Variants in PDIA2 observed in about 807,000 individuals in gnomAD.
PDIA2 encodes the protein protein disulfide isomerase family A member 2, also known as protein disulfide-isomerase A2.
PDIA2 carries 76 observed loss-of-function variants against 51.1 expected under a neutral mutation model. The ratio of observed to expected loss-of-function variants is 1.49; its 90% CI spans 1.24 to 1.80. The LOEUF (loss-of-function observed/expected upper bound fraction) is 1.80. PDIA2 is among the 40% of genes most tolerant of loss of function. PDIA2 has a pLI of 0.00. For synonymous variants in PDIA2, 429 were observed against 309.9 expected, an observed-to-expected ratio of 1.38 and a Z score of -4.04; for missense variants, 946 against 706.5, an observed-to-expected ratio of 1.34 and a Z score of -3.84.
At chr16:285,831 G>C (rs1354407322) in intron 7 of PDIA2, 128 bp downstream of exon 7, 1 of 1,049,236 alleles carries the variant, frequency 9.5e-7, no homozygotes, top group East Asian at 2.8e-5. Flanking sequence ...CCCTCAACCC[G>C]GCAATTCTCC....
rs545873647 is a variant in PDIA2 at position 285,460 on chromosome 16, G to A, written c.921+23G>A. ...CAGGTACTGGGGGGCTGGGGGAAAG[G>A]GGCAGCGGGAGAGTGGCCGGTGCCA... On this transcript the variant is annotated intron_variant, in intron 6 of 10. Transcript: ENST00000219406. 1.7e-5 allele frequency: 28 copies of A among 1,611,618 alleles called. No individual in the cohort carries two copies. The East Asian group carries it at 2.0e-4, about 12-fold the overall frequency.
Position 286,152 on chromosome 16 carries a change from C to T in PDIA2, c.1120-201C>T, listed in dbSNP as rs1046644534. Among the ~76,000 whole-genome samples the T allele has an allele frequency of 2.2e-3, 216 of 98,922 alleles. 1 individual carries two copies. The highest frequency in any genetic ancestry group is 3.6e-3 in the Non-Finnish European group (170 of 46,690). 64.9% of individuals were successfully genotyped at this position (98,922 alleles called of 152,430 possible). A position where few individuals can be genotyped will look rare whatever the true frequency, so the allele number is the denominator to read the frequency against. On this transcript the variant is annotated intron_variant, in intron 7 of 10. Coordinates refer to ENST00000219406, the MANE Select transcript of PDIA2 (RefSeq NM_006849.4). Reference sequence around the variant, plus strand: ...TTCTCCCAAACTTGAAGAGGACCTCCCTGTCAGGCCCTGCAGAGGATCTCC... The same window carrying T: ...TTCTCCCAAACTTGAAGAGGACCTCTCTGTCAGGCCCTGCAGAGGATCTCC...
At chr16:285,264 G>A in intron 5 of PDIA2, 48 bp from the exon 6 acceptor site, 1 of 1,611,992 alleles carries the variant, frequency 6.2e-7, no homozygotes, top group East Asian at 2.2e-5. Context: ...GGATGGGGGT[G>A]CCTAGGCTGG....
Position 286,858 on chromosome 16 carries a change from G to A in PDIA2, c.1446G>A (p.Arg482=). 2.5e-6 allele frequency: 4 copies of A among 1,609,092 alleles called. No homozygotes were observed. Among genetic ancestry groups the A allele is most frequent in the East Asian group, 2.2e-5 (1 of 44,796 alleles). ...GRKVIEYKST[R]DLETFSKFLD... is the part of the protein sequence containing the mutation. ...AGGTGATTGAATACAAAAGCACCAG[G>A]GACCTGGAGACTTTCTCCAAGTTCC... Residue 482 remains arginine (R), a synonymous_variant, in exon 10 of 11, where the codon AGG becomes AGA. Transcript: ENST00000219406.
chr16:283,508 G>T lies in PDIA2; in HGVS notation c.199+140G>T, dbSNP rs180719693. 989 of 926,752 alleles carry T rather than the reference G, an allele frequency of 1.1e-3. 10 individuals carry two copies. In the African/African-American group the frequency reaches 0.015, roughly 14 times the overall value. 57.4% of individuals were successfully genotyped at this position (926,752 alleles called of 1,614,324 possible). A position where few individuals can be genotyped will look rare whatever the true frequency, so the allele number is the denominator to read the frequency against. On this transcript the variant is annotated intron_variant, in intron 1 of 10. Coordinates refer to ENST00000219406, the MANE Select transcript of PDIA2 (RefSeq NM_006849.4). ...AGGCACTTGCCCCCACTGTGCCCAG[G>T]AGCTCTCTAGGAGGGGCCTGGGGGT...
Position 286,367 on chromosome 16 carries a change from C to G in PDIA2, c.1134C>G (p.Ser378Arg). Reference sequence around the variant, plus strand: ...GTTTCCCCCAGCCCTATCTCCTGAGCCAGGAGATACCCCCTGATTGGGATC... The same window carrying G: ...GTTTCCCCCAGCCCTATCTCCTGAGGCAGGAGATACCCCCTGATTGGGATC... ...LNGQVKPYLL[S>R]QEIPPDWDQR... The change falls in exon 8 of 11, where the codon AGC becomes AGG. Residue 378 changes from serine to arginine, a missense_variant. Coordinates refer to ENST00000219406, the MANE Select transcript of PDIA2 (RefSeq NM_006849.4). 6.2e-7 allele frequency: 1 copy of G among 1,608,336 alleles called. No homozygotes were observed. Among genetic ancestry groups the G allele is most frequent in the African/African-American group, 1.4e-5 (1 of 73,160 alleles).
chr16:284,144 T>A (rs962471798), intron 1 of PDIA2: 18 of 575,178 alleles, frequency 3.1e-5, no homozygotes, highest in African/African-American at 1.7e-4. Context: ...CTGGGATTAC[T>A]GGCGTGAGCC....
At position 284,990 on chromosome 16, in the gene PDIA2, A is replaced by G. The variant is rs372943195; in HGVS notation, c.653A>G (p.Lys218Arg). Residue 218 changes from lysine to arginine, a missense_variant, in exon 4 of 11, where the codon AAG (lysine) becomes AGG (arginine). Coordinates refer to ENST00000219406, the MANE Select transcript of PDIA2 (RefSeq NM_006849.4). ...PRLFQQFGLT[K>R]DTVVLFKKFD... ...CTCTTTCAGCAGTTTGGCCTCACCA[A>G]GGACACTGTGGTTCTCTTCAAGAAG... The G allele has an allele frequency of 6.2e-7, 1 of 1,613,430 alleles. No individual in the cohort carries two copies. The highest frequency in any genetic ancestry group is 8.5e-7 in the Non-Finnish European group (1 of 1,180,018).
rs1388549007 is a variant in PDIA2 at position 286,458 on chromosome 16, GTGTT to G, written c.1229_1232del (p.Phe410SerfsTer65). On this transcript the variant is annotated frameshift_variant, in exon 8 of 11. Transcript: ENST00000219406. LOFTEE classifies it high-confidence loss of function. ...GGTGGCTTTTGACGAAACCAAGAAT[GTGTT>G]TGTCAAGTTCTGTGAGTGTTGAGGG... 4 of 1,613,146 alleles carry G rather than the reference GTGTT, an allele frequency of 2.5e-6. No homozygotes were observed. The highest frequency in any genetic ancestry group is 1.3e-5 in the African/African-American group (1 of 74,854).
intron 1 of PDIA2, chr16:284,165 G>C: frequency 1.7e-6 from 1 of 600,508 alleles, no homozygotes; most frequent in South Asian, 1.9e-5. Flanking sequence ...ACTGAGCCTG[G>C]CTGTGGGGGG....
chr16:286,827 C>G lies in PDIA2; in HGVS notation c.1423-8C>G, dbSNP rs763144651. The G allele has an allele frequency of 2.5e-6, 4 of 1,611,196 alleles. No individual in the cohort carries two copies. The South Asian group carries it at 4.4e-5, about 18-fold the overall frequency. On this transcript the variant is annotated splice_region_variant and splice_polypyrimidine_tract_variant and intron_variant, in intron 9 of 10. Coordinates refer to ENST00000219406, the MANE Select transcript of PDIA2 (RefSeq NM_006849.4). ...ACGTGTCCTCCAGATCCCCCTGCCTCTTCTCAGGTGATTGAATACAAAAGC... is the reference window on the plus strand; with the variant it reads ...ACGTGTCCTCCAGATCCCCCTGCCTGTTCTCAGGTGATTGAATACAAAAGC...
chr16:283,785 G>C (rs1158744761), intron 1 of PDIA2, among the ~76,000 whole-genome samples: 2 of 152,232 alleles, frequency 1.3e-5, no homozygotes, highest in African/African-American at 4.8e-5. Flanking sequence ...CATAGGAACT[G>C]TTCTTGCCTA....
In PDIA2 at chr16:286,860, A is replaced by T. The variant is rs45585539; in HGVS notation, c.1448A>T (p.Asp483Val). The T allele has an allele frequency of 8.2e-4, 1,316 of 1,608,742 alleles. 10 individuals carry two copies. The African/African-American group carries it at 0.015, about 19-fold the overall frequency. Residue 483 changes from aspartate (D) to valine (V), a missense_variant, in exon 10 of 11, where the codon GAC becomes GTC. Coordinates refer to ENST00000219406, the MANE Select transcript of PDIA2 (RefSeq NM_006849.4). ...GTGATTGAATACAAAAGCACCAGGG[A>T]CCTGGAGACTTTCTCCAAGTTCCTG... ...RKVIEYKSTR[D>V]LETFSKFLDN...
At chr16:285,818 C>T (rs1448444131) in intron 7 of PDIA2, 115 bp downstream of exon 7, 4 of 1,162,176 alleles carry the variant, frequency 3.4e-6, no homozygotes, top group Non-Finnish European at 4.8e-6. Flanking sequence ...CCCGCAGAGG[C>T]CCCCCTCAAC....
rs1386176626 is a variant in PDIA2 at position 285,534 on chromosome 16, C to T, written c.950C>T (p.Ala317Val). 2 of 1,612,946 alleles carry T rather than the reference C, an allele frequency of 1.2e-6. No homozygotes were observed. Among genetic ancestry groups the T allele is most frequent in the Admixed American group, 1.7e-5 (1 of 60,012 alleles). ...QVLFVVVDVA[A>V]DNEHVLQYFG... ...CTGTTCGTGGTGGTGGACGTGGCGG[C>T]CGACAATGAGCACGTGCTGCAGTAC... The change falls in exon 7 of 11, where the codon GCC (alanine) becomes GTC (valine). Residue 317 changes from alanine (A) to valine (V), a missense_variant. Ala to Val is a moderately conservative substitution (Grantham distance 64). Coordinates refer to ENST00000219406, the MANE Select transcript of PDIA2 (RefSeq NM_006849.4).
chr16:284,812 G>A lies in PDIA2; in HGVS notation c.540+20G>A. 6.3e-7 allele frequency: 1 copy of A among 1,588,776 alleles called. No individual in the cohort carries two copies. Among genetic ancestry groups the A allele is most frequent in the Non-Finnish European group, 8.6e-7 (1 of 1,169,230 alleles). ...TTCCAGGTGAGCCACTGGGCATGGG[G>A]GGCCGGGCCATGAGGGCAGTGACTG... On this transcript the variant is annotated intron_variant, in intron 3 of 10. Coordinates refer to ENST00000219406, the MANE Select transcript of PDIA2 (RefSeq NM_006849.4).
chr16:285,133 A>AC lies in PDIA2; in HGVS notation c.730dup (p.Leu244ProfsTer77), dbSNP rs1227358400. On this transcript the variant is annotated frameshift_variant, in exon 5 of 11. Transcript: ENST00000219406. LOFTEE classifies it high-confidence loss of function. ...CCCGTGGACGAGGAGCTTGGCCTGGACCTGGGGGATCTGTCGCGCTTCCTG... is the reference window on the plus strand; with the variant it reads ...CCCGTGGACGAGGAGCTTGGCCTGGACCCTGGGGGATCTGTCGCGCTTCCTG... The AC allele has an allele frequency of 1.9e-6, 3 of 1,612,616 alleles. No individual in the cohort carries two copies. In the African/African-American group the frequency reaches 4.0e-5, roughly 22 times the overall value.
rs767849091 is a variant in PDIA2, at chr16:284,590, A to C, written c.403A>C (p.Thr135Pro). 1.9e-5 allele frequency: 30 copies of C among 1,611,370 alleles called. No individual in the cohort carries two copies. Among genetic ancestry groups the C allele is most frequent in the Non-Finnish European group, 2.5e-5 (29 of 1,179,566 alleles). ...NGNRTHPEEY[T>P]GPRDAEGIAE... The stretch of plus-strand genomic sequence containing the variant: ...GAACCGCACGCACCCGGAGGAGTAC[A>C]CAGGTGAGGGGCAGGCCGGTCATTG... Residue 135 changes from threonine (T) to proline (P), a missense_variant, in exon 2 of 11, where the codon ACA becomes CCA. Thr to Pro is a conservative substitution (Grantham distance 38). Coordinates refer to ENST00000219406, the MANE Select transcript of PDIA2 (RefSeq NM_006849.4).
At chr16:283,451 G>C in intron 1 of PDIA2, 83 bp downstream of exon 1, 3 of 1,402,924 alleles carry the variant, frequency 2.1e-6, no homozygotes, top group Non-Finnish European at 2.8e-6. Context: ...GCCGGCAAAT[G>C]CAGGGCATGT....
Sources: gnomAD v4.1 joint callset for allele counts (sites outside exome capture counted in the v4.1 genomes callset) on GRCh38, gnomAD v4.1.1 for gene constraint, MANE v1.5 for transcripts, NCBI Gene and HGNC (gene_info 2026-07-23, HGNC 2026-07-21) for gene names.